Variants in MACROD2 observed in about 807,000 individuals in gnomAD.
MACROD2 encodes mono-ADP ribosylhydrolase 2, also known as ADP-ribose glycohydrolase MACROD2.
MACROD2 carries 36 observed loss-of-function variants against 70.4 expected under a neutral mutation model. The observed-to-expected ratio is 0.51, with a 90% CI of 0.39 to 0.68. The LOEUF (loss-of-function observed/expected upper bound fraction) is 0.68, where lower values mean the gene tolerates loss of function less well. MACROD2 is among the 30% of genes least tolerant of loss of function. MACROD2 has a pLI of 0.00. For synonymous variants in MACROD2, 172 were observed against 178.8 expected (o/e 0.96, Z 0.30); for missense variants, 496 against 538.4 (o/e 0.92, Z 0.78).
intron 3 of MACROD2, among the ~76,000 whole-genome samples, chr20:14,369,089 TCTGCCTGAG>T (rs2083299165): frequency 6.6e-6 from 1 of 152,216 alleles, no homozygotes; most frequent in Non-Finnish European, 1.5e-5. Flanking sequence ...CTTTAGTTCT[TCTGCCTGAG>T]CTTTGGGTAC....
chr20:15,931,985 G>A (rs1216881739), intron 10 of MACROD2, among the ~76,000 whole-genome samples: 2 of 152,136 alleles, frequency 1.3e-5, no homozygotes, highest in Non-Finnish European at 2.9e-5. Flanking sequence ...GGTAGGAGGA[G>A]GAGATGGCGG....
intron 3 of MACROD2, among the ~76,000 whole-genome samples, chr20:14,465,709 G>T (rs576825941): frequency 6.6e-6 from 1 of 152,188 alleles, no homozygotes; most frequent in Non-Finnish European, 1.5e-5. Flanking sequence ...TCCTTCGGGA[G>T]CTCTTTTAGG....
At chr20:15,425,150 G>A (rs2046281331) in intron 6 of MACROD2, among the ~76,000 whole-genome samples, 1 of 152,188 alleles carries the variant, frequency 6.6e-6, no homozygotes, top group African/African-American at 2.4e-5. Flanking sequence ...AGGGTATGAG[G>A]ATAAAACTGT....
At chr20:15,070,904 GT>G (rs2075614037) in intron 5 of MACROD2, among the ~76,000 whole-genome samples, 1 of 138,688 alleles carries the variant, frequency 7.2e-6, no homozygotes, top group African/African-American at 2.6e-5. Flanking sequence ...GTTTTGTTTT[GT>G]TTTTGGAAAA....
At chr20:15,566,510 A>G (rs999213702) in intron 8 of MACROD2, among the ~76,000 whole-genome samples, 5 of 150,124 alleles carry the variant, frequency 3.3e-5, no homozygotes, top group African/African-American at 1.3e-4. Context: ...AAAAAAAAAA[A>G]GGGAACAATT....
In MACROD2 at chr20:14,862,714, TA is replaced by T. The variant is rs200769416; in HGVS notation, c.418+177756del. On this transcript the variant is annotated intron_variant, in intron 5 of 17. Coordinates refer to ENST00000684519, the MANE Select transcript of MACROD2 (RefSeq NM_001351661.2). ...AAATATATATAAATATATATATATA[TA>T]TTTTTTTTTAATAGAGAGGATGAAG... 4.6e-4 allele frequency among the ~76,000 whole-genome samples: 40 copies of T among 87,612 alleles called. 3 individuals are homozygous for T. Among genetic ancestry groups the T allele is most frequent in the African/African-American group, 1.1e-3 (21 of 18,918 alleles). The allele number at this position is 87,612 out of a possible 152,430, so 57.5% of individuals were successfully genotyped here.
intron 10 of MACROD2, among the ~76,000 whole-genome samples, chr20:15,907,333 A>G (rs562861975): frequency 2.6e-5 from 4 of 152,358 alleles, no homozygotes; most frequent in South Asian, 4.1e-4. Context: ...TCCAATTGCC[A>G]GAATGGTTTT....
intron 7 of MACROD2, among the ~76,000 whole-genome samples, chr20:15,442,608 C>A (rs1244692043): frequency 6.6e-6 from 1 of 152,098 alleles, no homozygotes; most frequent in East Asian, 1.9e-4. Context: ...AGAAATTGGT[C>A]TTGTGACCAA....
At chr20:14,897,343 A>T (rs903929737) in intron 5 of MACROD2, among the ~76,000 whole-genome samples, 4 of 152,048 alleles carry the variant, frequency 2.6e-5, no homozygotes, top group Non-Finnish European at 4.4e-5. Context: ...TCACTTATTT[A>T]AAAAAAATTT....
chr20:14,163,098 A>G (rs571547259), intron 3 of MACROD2, among the ~76,000 whole-genome samples: 126 of 152,050 alleles, frequency 8.3e-4, no homozygotes, highest in African/African-American at 2.9e-3. Flanking sequence ...TTGCTTCTAG[A>G]TGTAGGACTC....
intron 8 of MACROD2, among the ~76,000 whole-genome samples, chr20:15,807,909 A>G (rs1340700962): frequency 6.6e-6 from 1 of 152,148 alleles, no homozygotes; most frequent in Non-Finnish European, 1.5e-5. Flanking sequence ...TGAAATCCAC[A>G]AGCAGACAGC....
At chr20:15,020,208 T>C (rs1325380446) in intron 5 of MACROD2, among the ~76,000 whole-genome samples, 1 of 152,164 alleles carries the variant, frequency 6.6e-6, no homozygotes, top group Non-Finnish European at 1.5e-5. Context: ...ACTACTGTGT[T>C]CTCTTGATTT....
chr20:14,803,799 A>C (rs2072606603), intron 5 of MACROD2, among the ~76,000 whole-genome samples: 1 of 152,180 alleles, frequency 6.6e-6, no homozygotes, highest in South Asian at 2.1e-4. Flanking sequence ...ATTAATTTAA[A>C]GTTTGCCTAT....
chr20:14,845,917 AT>A (rs2073135348), intron 5 of MACROD2, among the ~76,000 whole-genome samples: 2 of 152,252 alleles, frequency 1.3e-5, no homozygotes, highest in South Asian at 2.1e-4. Context: ...GCACCATGTA[AT>A]TGACCAAGAA....
intron 4 of MACROD2, among the ~76,000 whole-genome samples, chr20:14,505,583 G>A (rs891588347): frequency 6.6e-6 from 1 of 152,156 alleles, no homozygotes; most frequent in Non-Finnish European, 1.5e-5. Flanking sequence ...TGAATTAGTG[G>A]TTCTAAAATT....
At chr20:14,576,406 C>T (rs1461943751) in intron 4 of MACROD2, among the ~76,000 whole-genome samples, 10 of 152,180 alleles carry the variant, frequency 6.6e-5, no homozygotes, top group Non-Finnish European at 1.3e-4. Flanking sequence ...ATGAGAGCCC[C>T]TTTATGTGAG....
At chr20:14,498,460 G>A (rs1414132242) in intron 4 of MACROD2, among the ~76,000 whole-genome samples, 1 of 152,098 alleles carries the variant, frequency 6.6e-6, no homozygotes, top group Non-Finnish European at 1.5e-5. Flanking sequence ...TGTCAGTATT[G>A]ATTATTGATT....
At chr20:14,917,335 T>C (rs2074104633) in intron 5 of MACROD2, among the ~76,000 whole-genome samples, 1 of 152,040 alleles carries the variant, frequency 6.6e-6, no homozygotes, top group South Asian at 2.1e-4. Flanking sequence ...TCAATATTGT[T>C]AACTCTTTGA....
At chr20:15,148,331 C>T (rs1463536220) in intron 5 of MACROD2, among the ~76,000 whole-genome samples, 5 of 151,810 alleles carry the variant, frequency 3.3e-5, no homozygotes, top group South Asian at 2.1e-4. Flanking sequence ...AAAAACTAAA[C>T]GGAATAAGAG....
Sources: allele counts gnomAD v4.1 joint callset (sites outside exome capture counted in the v4.1 genomes callset), GRCh38; gene constraint gnomAD v4.1.1; transcripts MANE v1.5; gene names NCBI Gene and HGNC (gene_info 2026-07-23, HGNC 2026-07-21).